Variants in STK32B observed in about 807,000 individuals in gnomAD.
STK32B encodes the protein serine/threonine kinase 32B.
Under a neutral mutation model 52.6 loss-of-function variants are expected in STK32B, and 43 were observed. The ratio of observed to expected loss-of-function variants is 0.82; its 90% CI spans 0.64 to 1.05. The LOEUF (loss-of-function observed/expected upper bound fraction) is 1.05. Ranked by LOEUF, STK32B falls within the 50% of genes least tolerant of loss-of-function variation. The pLI is 0.00. For synonymous variants in STK32B, 238 were observed against 204.3 expected, an observed-to-expected ratio of 1.17 and a Z score of -1.41; for missense variants, 621 against 534.6, an observed-to-expected ratio of 1.16 and a Z score of -1.59.
chr4:5,387,717 G>T (rs929415941), intron 4 of STK32B, among the ~76,000 whole-genome samples: 2 of 152,132 alleles, frequency 1.3e-5, no homozygotes, highest in Non-Finnish European at 2.9e-5. Context: ...AGAGGAGCTG[G>T]CATGCTTCTG....
At chr4:5,415,420 G>A (rs1156994172) in intron 5 of STK32B, among the ~76,000 whole-genome samples, 3 of 152,186 alleles carry the variant, frequency 2.0e-5, no homozygotes, top group African/African-American at 7.2e-5. Flanking sequence ...GGCTCAGAGT[G>A]TGTGCACCCA....
intron 3 of STK32B, among the ~76,000 whole-genome samples, chr4:5,170,676 A>G (rs1425903557): frequency 6.6e-6 from 1 of 152,152 alleles, no homozygotes; most frequent in Non-Finnish European, 1.5e-5. Flanking sequence ...TCCATGGTGT[A>G]TATGTGCCAC....
chr4:5,248,490 A>G lies in STK32B; in HGVS notation c.260+80040A>G, dbSNP rs368362768. Among the ~76,000 whole-genome samples the G allele has an allele frequency of 9.7e-4, 148 of 152,272 alleles. 1 individual carries two copies. Among genetic ancestry groups the G allele is most frequent in the African/African-American group, 3.3e-3 (139 of 41,544 alleles). ...TTCTAAACATAGGGCCACCATTGCA[A>G]AACTGTACTGGTCAATTTAACTCCT... On this transcript the variant is annotated intron_variant, in intron 3 of 11. Coordinates refer to ENST00000282908, the MANE Select transcript of STK32B (RefSeq NM_018401.3).
intron 3 of STK32B, among the ~76,000 whole-genome samples, chr4:5,177,639 A>C (rs964357365): frequency 6.6e-6 from 1 of 152,232 alleles, no homozygotes; most frequent in African/African-American, 2.4e-5. Flanking sequence ...ATGAGCCTGT[A>C]AAATCAAAAG....
intron 5 of STK32B, among the ~76,000 whole-genome samples, chr4:5,403,146 T>G (rs954664037): frequency 6.6e-6 from 1 of 152,192 alleles, no homozygotes. Context: ...TGGCCAATCC[T>G]AGGGCTGGTA....
chr4:5,188,634 C>G (rs1354158764), intron 3 of STK32B, among the ~76,000 whole-genome samples: 1 of 152,156 alleles, frequency 6.6e-6, no homozygotes, highest in Non-Finnish European at 1.5e-5. Flanking sequence ...CTTGGCTGTC[C>G]CTAACCCACT....
chr4:5,294,745 C>T (rs921117952), intron 3 of STK32B, among the ~76,000 whole-genome samples: 1 of 152,090 alleles, frequency 6.6e-6, no homozygotes, highest in Non-Finnish European at 1.5e-5. Flanking sequence ...TCCTCTATTC[C>T]TATCTGAATA....
At chr4:5,389,842 T>C (rs1179665296) in intron 4 of STK32B, among the ~76,000 whole-genome samples, 2 of 152,206 alleles carry the variant, frequency 1.3e-5, no homozygotes, top group Admixed American at 1.3e-4. Flanking sequence ...GGGAAGAGTC[T>C]CCTGGATTAT....
At chr4:5,207,637 AG>A (rs1290824303) in intron 3 of STK32B, among the ~76,000 whole-genome samples, 3 of 151,840 alleles carry the variant, frequency 2.0e-5, no homozygotes, top group African/African-American at 7.3e-5. Context: ...GAGACCAGAG[AG>A]GGAAAATATT....
At chr4:5,218,607 C>T (rs943832545) in intron 3 of STK32B, among the ~76,000 whole-genome samples, 2 of 152,202 alleles carry the variant, frequency 1.3e-5, no homozygotes, top group Non-Finnish European at 2.9e-5. Context: ...TGCTGGCCTC[C>T]TCATTCAAGT....
chr4:5,397,263 C>T (rs908570868), intron 4 of STK32B, among the ~76,000 whole-genome samples: 8 of 152,312 alleles, frequency 5.3e-5, no homozygotes, highest in Admixed American at 5.2e-4. Context: ...TGCAGAGCTT[C>T]GCCAAGTGTG....
At chr4:5,286,514 CTTAG>C (rs1271970699) in intron 3 of STK32B, among the ~76,000 whole-genome samples, 1 of 152,136 alleles carries the variant, frequency 6.6e-6, no homozygotes, top group Admixed American at 6.5e-5. Context: ...AATGTTAAAA[CTTAG>C]TTGTGCTTAG....
chr4:5,402,115 C>T (rs1737332503), intron 5 of STK32B, among the ~76,000 whole-genome samples: 1 of 152,256 alleles, frequency 6.6e-6, no homozygotes, highest in Non-Finnish European at 1.5e-5. Context: ...GCCACTCAAG[C>T]CTCCACCTGT....
chr4:5,414,473 G>A (rs1489834915), intron 5 of STK32B, among the ~76,000 whole-genome samples: 1 of 152,048 alleles, frequency 6.6e-6, no homozygotes, highest in East Asian at 1.9e-4. Flanking sequence ...AAATAATTGT[G>A]GAAAAAATTG....
intron 3 of STK32B, among the ~76,000 whole-genome samples, chr4:5,277,942 G>C (rs16836951): frequency 0.12 from 17,869 of 152,206 alleles, 2,879 homozygotes; most frequent in African/African-American, 0.37. Flanking sequence ...ATAAATGAGT[G>C]AGTGACCTAG....
At position 5,353,326 on chromosome 4, in the gene STK32B, A is replaced by G. The variant is rs567380540; in HGVS notation, c.434+21933A>G. On this transcript the variant is annotated intron_variant, in intron 4 of 11. Coordinates refer to ENST00000282908, the MANE Select transcript of STK32B (RefSeq NM_018401.3). The stretch of plus-strand genomic sequence containing the variant: ...TGGAAGAAAACAAGGAAAACAATTC[A>G]GGATATTGCTCTAGGCAAAGATTTG... Among the ~76,000 whole-genome samples, 16 of 152,086 alleles carry G rather than the reference A, an allele frequency of 1.1e-4. No individual in the cohort carries two copies. In the South Asian group the frequency reaches 2.9e-3, roughly 28 times the overall value.
rs79149299 is a variant in STK32B at position 5,187,657 on chromosome 4, T to C, written c.260+19207T>C. ...GACAAGCCCTGTTTGCCAATTTCCA[T>C]GGTGTAAATAGTTTCTCATAATGGT... On this transcript the variant is annotated intron_variant, in intron 3 of 11. Transcript: ENST00000282908. Among the ~76,000 whole-genome samples the C allele has an allele frequency of 2.0e-3, 306 of 152,164 alleles. 6 individuals carry two copies. The East Asian group carries it at 0.049, about 24-fold the overall frequency.
At chr4:5,407,520 G>A (rs532780781) in intron 5 of STK32B, among the ~76,000 whole-genome samples, 2 of 152,226 alleles carry the variant, frequency 1.3e-5, no homozygotes, top group East Asian at 3.9e-4. Context: ...AATTTATGAA[G>A]AAGAGGTTTA....
chr4:5,292,279 CTT>C (rs774396839), intron 3 of STK32B, among the ~76,000 whole-genome samples: 60 of 152,064 alleles, frequency 3.9e-4, no homozygotes, highest in Non-Finnish European at 7.5e-4. Flanking sequence ...TGAATGCTTC[CTT>C]TTCTCTGGAA....
Sources: allele counts gnomAD v4.1 joint callset (sites outside exome capture counted in the v4.1 genomes callset), GRCh38; gene constraint gnomAD v4.1.1; transcripts MANE v1.5; gene names NCBI Gene and HGNC (gene_info 2026-07-23, HGNC 2026-07-21).